HECW2: variants seen among roughly 807,000 people sequenced by gnomAD.
The protein encoded by HECW2 is HECT, C2 and WW domain containing E3 ubiquitin protein ligase 2.
In HECW2, 61 loss-of-function variants were observed where a neutral mutation model predicts 175.2. That is an observed-to-expected ratio of 0.35 (90% CI 0.28 to 0.43). The LOEUF is 0.43. Among genes scored for constraint, HECW2 ranks in the 20% least tolerant of loss-of-function variants. The probability of loss-of-function intolerance (pLI) is 1.00; values close to 1 mark genes in which losing one functional copy is unlikely to be tolerated. For missense variants in HECW2, 1,524 were observed against 2,000.5 expected, an observed-to-expected ratio of 0.76 and a Z score of 4.54; for synonymous variants, 671 against 731.0, an observed-to-expected ratio of 0.92 and a Z score of 1.32.
At chr2:196,578,073 T>C (rs1327021629) in intron 1 of HECW2, among the ~76,000 whole-genome samples, 1 of 152,148 alleles carries the variant, frequency 6.6e-6, no homozygotes, top group Non-Finnish European at 1.5e-5. Context: ...ACATAGGCTA[T>C]GTAATAGGTT....
chr2:196,368,731 C>T (rs1023110175), intron 2 of HECW2, among the ~76,000 whole-genome samples: 2 of 151,956 alleles, frequency 1.3e-5, no homozygotes, highest in Non-Finnish European at 2.9e-5. Flanking sequence ...ATTTTTTCTT[C>T]TGCTTGATCA....
intron 17 of HECW2, among the ~76,000 whole-genome samples, chr2:196,265,797 C>A (rs1353086316): frequency 6.6e-6 from 1 of 152,150 alleles, no homozygotes; most frequent in African/African-American, 2.4e-5. Flanking sequence ...AAATTCCGAT[C>A]CCCATTTTAC....
At chr2:196,426,427 A>G (rs1695548717) in intron 2 of HECW2, among the ~76,000 whole-genome samples, 1 of 152,098 alleles carries the variant, frequency 6.6e-6, no homozygotes, top group African/African-American at 2.4e-5. Context: ...TGTCTTTTTG[A>G]TAACAGCCAT....
chr2:196,411,938 A>G (rs1695124195), intron 2 of HECW2, among the ~76,000 whole-genome samples: 2 of 152,248 alleles, frequency 1.3e-5, no homozygotes, highest in Non-Finnish European at 2.9e-5. Flanking sequence ...TGAGCCCAGG[A>G]GGCAGAGGTT....
At chr2:196,278,432 A>G in intron 15 of HECW2, 96 bp downstream of exon 15, 1 of 1,417,606 alleles carries the variant, frequency 7.1e-7, no homozygotes, top group Non-Finnish European at 9.5e-7. Context: ...AAAAAAAAGA[A>G]AAAATGCTTT....
chr2:196,342,585 A>G (rs919859285), intron 3 of HECW2, among the ~76,000 whole-genome samples: 1 of 152,182 alleles, frequency 6.6e-6, no homozygotes, highest in Non-Finnish European at 1.5e-5. Context: ...ATCACCCAAC[A>G]GAAAAAGGGA....
chr2:196,268,742 T>C (rs1479264141), intron 17 of HECW2, among the ~76,000 whole-genome samples: 1 of 152,218 alleles, frequency 6.6e-6, no homozygotes, highest in Non-Finnish European at 1.5e-5. Flanking sequence ...TATTAACTAG[T>C]GGCATGTGTT....
chr2:196,500,988 C>A (rs1410694898), intron 1 of HECW2, among the ~76,000 whole-genome samples: 1 of 152,170 alleles, frequency 6.6e-6, no homozygotes, highest in Non-Finnish European at 1.5e-5. Context: ...AAATCATTTC[C>A]AAGGCTAAAG....
intron 1 of HECW2, among the ~76,000 whole-genome samples, chr2:196,480,802 T>C (rs1302380695): frequency 6.6e-6 from 1 of 152,226 alleles, no homozygotes; most frequent in Admixed American, 6.5e-5. Context: ...TCCTTTCTAT[T>C]GTCTACTGGC....
chr2:196,469,232 G>A (rs1046133513), intron 1 of HECW2, among the ~76,000 whole-genome samples: 2 of 151,886 alleles, frequency 1.3e-5, no homozygotes. Context: ...AAAAGAACAT[G>A]TTACGGGTGC....
At chr2:196,520,800 G>T (rs1288873902) in intron 1 of HECW2, among the ~76,000 whole-genome samples, 1 of 152,184 alleles carries the variant, frequency 6.6e-6, no homozygotes, top group Non-Finnish European at 1.5e-5. Flanking sequence ...AAACAGGTAG[G>T]TCAGAGGGGA....
chr2:196,224,208 A>G (rs976307830), intron 23 of HECW2, among the ~76,000 whole-genome samples: 1 of 152,188 alleles, frequency 6.6e-6, no homozygotes, highest in African/African-American at 2.4e-5. Flanking sequence ...GGCACTATTA[A>G]CTGTAACTGG....
chr2:196,219,467 A>G (rs1478377512), intron 26 of HECW2, among the ~76,000 whole-genome samples: 1 of 152,176 alleles, frequency 6.6e-6, no homozygotes, highest in East Asian at 1.9e-4. Context: ...CATTTTGTGA[A>G]GTGTCAGATA....
chr2:196,488,081 T>C (rs951695269), intron 1 of HECW2, among the ~76,000 whole-genome samples: 6 of 152,330 alleles, frequency 3.9e-5, no homozygotes, highest in Admixed American at 3.3e-4. Flanking sequence ...ATGTGTGTAT[T>C]CCAAGATAGG....
chr2:196,233,867 T>C (rs1688144514), intron 21 of HECW2, among the ~76,000 whole-genome samples: 1 of 152,322 alleles, frequency 6.6e-6, no homozygotes, highest in South Asian at 2.1e-4. Context: ...ACCAGTCATA[T>C]GTAAGAACTG....
intron 2 of HECW2, among the ~76,000 whole-genome samples, chr2:196,431,793 A>G (rs1238439729): frequency 6.6e-6 from 1 of 151,366 alleles, no homozygotes; most frequent in Non-Finnish European, 1.5e-5. Flanking sequence ...TACCATAAGG[A>G]AAAAAAAGAG....
At chr2:196,463,832 C>T (rs919090583) in intron 1 of HECW2, among the ~76,000 whole-genome samples, 8 of 152,174 alleles carry the variant, frequency 5.3e-5, no homozygotes, top group Non-Finnish European at 7.3e-5. Context: ...ACAGGGGCAA[C>T]GAGCCCAACT....
intron 6 of HECW2, 95 bp downstream of exon 6, chr2:196,324,885 A>T: frequency 9.3e-7 from 1 of 1,071,244 alleles, no homozygotes; most frequent in South Asian, 1.7e-5. Flanking sequence ...TAGACACTTC[A>T]TAAACAACCT....
chr2:196,306,400 A>G lies in HECW2; in HGVS notation c.2814+88T>C. 3 of 1,309,192 alleles carry G rather than the reference A, an allele frequency of 2.3e-6. No homozygotes were observed. In the South Asian group the frequency reaches 4.2e-5, roughly 18 times the overall value. 81.1% of individuals were successfully genotyped at this position (1,309,192 alleles called of 1,614,324 possible). On this transcript the variant is annotated intron_variant, in intron 13 of 28. Transcript: ENST00000644978. The stretch of plus-strand genomic sequence containing the variant: ...ACTAAGTGCTCTGGAAACATTCGCC[A>G]TTATCATTCCTGCTATTACTACAGA...
Sources: gnomAD v4.1 joint callset for allele counts (sites outside exome capture counted in the v4.1 genomes callset) on GRCh38, gnomAD v4.1.1 for gene constraint, MANE v1.5 for transcripts, NCBI Gene and HGNC (gene_info 2026-07-23, HGNC 2026-07-21) for gene names.